The following LINGO2 variants were observed in gnomAD, a reference collection of about 807,000 sequenced individuals.
LINGO2 encodes leucine rich repeat and Ig domain containing 2.
A neutral mutation model predicts 30.6 loss-of-function variants in LINGO2; 14 were observed. The observed-to-expected ratio is 0.46, with a 90% CI of 0.30 to 0.72. The LOEUF is 0.72. Ranked by LOEUF, LINGO2 falls within the 30% of genes least tolerant of loss-of-function variation. The pLI is 0.07. For missense variants in LINGO2, 729 were observed against 751.7 expected, an observed-to-expected ratio of 0.97 and a Z score of 0.35; for synonymous variants, 317 against 288.5, an observed-to-expected ratio of 1.10 and a Z score of -1.00.
chr9:27,947,435 T>C (rs1823408148), downstream of LINGO2, among the ~76,000 whole-genome samples: 1 of 152,192 alleles, frequency 6.6e-6, no homozygotes. Flanking sequence ...AACCTTGCTT[T>C]TTCCTCAGTG....
At chr9:28,227,349 T>C (rs1406116063) in intron 4 of LINGO2, among the ~76,000 whole-genome samples, 2 of 152,074 alleles carry the variant, frequency 1.3e-5, no homozygotes, top group East Asian at 3.9e-4. Context: ...GAGCAGCTGC[T>C]CAAGGAAAGA....
the LINGO2 span, among the ~76,000 whole-genome samples, chr9:28,813,829 C>A: frequency 2.6e-3 from 402 of 152,216 alleles, 1 homozygote; most frequent in African/African-American, 9.1e-3. Context: ...TCTAGCCATG[C>A]AAAGGGTTAG....
rs551794081 is a variant in LINGO2, at chr9:28,362,229, T to TGC, written c.-246+10605_-246+10606dup. Among the ~76,000 whole-genome samples the TGC allele has an allele frequency of 6.5e-4, 97 of 150,236 alleles. No homozygotes were observed. In the South Asian group the frequency reaches 0.012, roughly 19 times the overall value. On this transcript the variant is annotated intron_variant, in intron 3 of 5. Coordinates refer to ENST00000379992, the Ensembl canonical transcript of LINGO2. ...TTGTGTGTGTATGTGTGTGTGTGTG[T>TGC]GCGCATGCGCATGTGTGTGCACGTG...
chr9:28,105,378 G>A (rs1826556248), intron 4 of LINGO2, among the ~76,000 whole-genome samples: 1 of 152,124 alleles, frequency 6.6e-6, no homozygotes, highest in African/African-American at 2.4e-5. Context: ...GTATCATGAT[G>A]AACAAGAAAC....
At chr9:27,962,005 G>A (rs554986818) in intron 5 of LINGO2, among the ~76,000 whole-genome samples, 1 of 152,282 alleles carries the variant, frequency 6.6e-6, no homozygotes, top group East Asian at 1.9e-4. Flanking sequence ...AGACCAAAAT[G>A]TGTGGGGTGC....
At chr9:28,380,629 A>G (rs1668968953) in intron 2 of LINGO2, among the ~76,000 whole-genome samples, 1 of 152,038 alleles carries the variant, frequency 6.6e-6, no homozygotes, top group South Asian at 2.1e-4. Context: ...CATATCGTGG[A>G]GGTCATTCAA....
At chr9:28,437,421 G>A (rs1211236756) in intron 2 of LINGO2, among the ~76,000 whole-genome samples, 1 of 152,074 alleles carries the variant, frequency 6.6e-6, no homozygotes, top group Admixed American at 6.5e-5. Context: ...CCGCAGACAT[G>A]TTACTGGCAT....
the LINGO2 span, among the ~76,000 whole-genome samples, chr9:28,735,627 C>T: frequency 2.0e-5 from 3 of 151,956 alleles, no homozygotes; most frequent in East Asian, 1.9e-4. Flanking sequence ...TAATAGTAAA[C>T]ATTTTTATAT....
At chr9:28,828,238 T>C in the LINGO2 span, among the ~76,000 whole-genome samples, 7 of 152,062 alleles carry the variant, frequency 4.6e-5, no homozygotes, top group African/African-American at 9.6e-5. Context: ...TTATCCTTTT[T>C]CATACCATTT....
intron 2 of LINGO2, among the ~76,000 whole-genome samples, chr9:28,414,088 C>T (rs1822878862): frequency 6.6e-6 from 1 of 151,900 alleles, no homozygotes; most frequent in Non-Finnish European, 1.5e-5. Context: ...ATATTTTTGA[C>T]AAGTAAGTGA....
chr9:28,883,628 G>GTGTGTATTTATATA, the LINGO2 span, among the ~76,000 whole-genome samples: 1 of 64,180 alleles, frequency 1.6e-5, no homozygotes, highest in Admixed American at 2.0e-4. Flanking sequence ...ATGTGTGTGT[G>GTGTGTATTTATATA]TATATATATA....
chr9:28,670,545 T>A (rs1828970649), upstream of LINGO2, among the ~76,000 whole-genome samples: 1 of 152,184 alleles, frequency 6.6e-6, no homozygotes, highest in Non-Finnish European at 1.5e-5. Flanking sequence ...GTTATTTTAC[T>A]GAGAAAGGCT....
intron 4 of LINGO2, among the ~76,000 whole-genome samples, chr9:28,271,390 C>T (rs917413352): frequency 6.6e-6 from 1 of 152,084 alleles, no homozygotes; most frequent in African/African-American, 2.4e-5. Context: ...CTCTACTACA[C>T]AATCTAAAGG....
At chr9:28,805,416 G>A in the LINGO2 span, among the ~76,000 whole-genome samples, 2 of 152,010 alleles carry the variant, frequency 1.3e-5, no homozygotes, top group Admixed American at 6.6e-5. Context: ...TTTAATGGCT[G>A]GCAAAAATAT....
the LINGO2 span, among the ~76,000 whole-genome samples, chr9:29,011,364 T>C: frequency 6.6e-6 from 1 of 150,542 alleles, no homozygotes; most frequent in African/African-American, 2.4e-5. Context: ...CTAGCACACA[T>C]TCACCACTGT....
At chr9:28,764,338 C>T in the LINGO2 span, among the ~76,000 whole-genome samples, 1 of 151,746 alleles carries the variant, frequency 6.6e-6, no homozygotes, top group South Asian at 2.1e-4. Context: ...TTCTGGGATG[C>T]AAAGTTGCTT....
the LINGO2 span, among the ~76,000 whole-genome samples, chr9:28,690,367 TGA>T: frequency 6.6e-6 from 1 of 152,112 alleles, no homozygotes. Context: ...ATAAAAATTG[TGA>T]GATAAAAATG....
rs571489758 is a variant in LINGO2, at chr9:28,277,680, GCAC to G, written c.-87+17525_-87+17527del. Among the ~76,000 whole-genome samples, 887 of 151,904 alleles carry G rather than the reference GCAC, an allele frequency of 5.8e-3. 11 individuals carry two copies. Among genetic ancestry groups the G allele is most frequent in the African/African-American group, 0.021 (853 of 41,396 alleles). ...AAAAATTAGCTGGGTGTGGTGGCAG[GCAC>G]CTGTAATCCCAGCTACTTGGGAGGC... On this transcript the variant is annotated intron_variant, in intron 4 of 5. Coordinates refer to ENST00000379992, the Ensembl canonical transcript of LINGO2.
At chr9:29,190,159 A>C in the LINGO2 span, among the ~76,000 whole-genome samples, 1 of 152,202 alleles carries the variant, frequency 6.6e-6, no homozygotes, top group Non-Finnish European at 1.5e-5. Context: ...AAATATTTAA[A>C]AATGTTTCTT....
Sources: allele counts gnomAD v4.1 joint callset (sites outside exome capture counted in the v4.1 genomes callset), GRCh38; gene constraint gnomAD v4.1.1; transcripts MANE v1.5; gene names NCBI Gene and HGNC (gene_info 2026-07-23, HGNC 2026-07-21).